The following TBC1D20 variants were observed in gnomAD, a reference collection of about 807,000 sequenced individuals.
TBC1D20 encodes TBC1 domain family member 20, also known as chromosome 20 open reading frame 140.
TBC1D20 carries 12 observed loss-of-function variants against 41.6 expected under a neutral mutation model. That is an observed-to-expected ratio of 0.29 (90% CI 0.18 to 0.47). TBC1D20 has a LOEUF of 0.47. Among genes scored for constraint, TBC1D20 ranks in the 20% least tolerant of loss-of-function variants. TBC1D20 has a pLI of 1.00. For synonymous variants in TBC1D20, 205 were observed against 204.8 expected (o/e 1.00, Z -0.01); for missense variants, 421 against 517.4 (o/e 0.81, Z 1.81).
chr20:453,417 T>A (rs1346622066), intron 1 of TBC1D20, among the ~76,000 whole-genome samples: 1 of 146,954 alleles, frequency 6.8e-6, no homozygotes, highest in African/African-American at 2.6e-5. Context: ...GAGGTTGCAG[T>A]GAGCCGAGAT....
chr20:441,356 C>T (rs927396467), intron 5 of TBC1D20: 1 of 520,660 alleles, frequency 1.9e-6, no homozygotes, highest in Non-Finnish European at 3.4e-6. Context: ...TCCACCTCTC[C>T]CCACTAGATG....
At chr20:460,839 TC>T (rs1216994698) in intron 1 of TBC1D20, among the ~76,000 whole-genome samples, 1 of 152,052 alleles carries the variant, frequency 6.6e-6, no homozygotes, top group Non-Finnish European at 1.5e-5. Flanking sequence ...AGAAGCAAAA[TC>T]AAGGAAACTA....
In TBC1D20 at chr20:438,490, AG is replaced by A; in HGVS notation, c.*95del. The A allele has an allele frequency of 6.9e-7, 1 of 1,439,294 alleles. No individual in the cohort carries two copies. 89.2% of individuals were successfully genotyped at this position (1,439,294 alleles called of 1,614,324 possible). ...GTGGCAGGAATAAAAAACTCTGGAC[AG>A]AAACCCTTTTAATAAAGGAAATTCC... On this transcript the variant is annotated 3_prime_UTR_variant, in exon 8 of 8. Coordinates refer to ENST00000354200, the MANE Select transcript of TBC1D20 (RefSeq NM_144628.4).
In TBC1D20 at chr20:437,231, T is replaced by C. The variant is rs917829808; in HGVS notation, c.*1355A>G. 1 of 151,740 alleles carries C rather than the reference T, an allele frequency of 6.6e-6. No individual in the cohort carries two copies. Among genetic ancestry groups the C allele is most frequent in the East Asian group, 1.9e-4 (1 of 5,202 alleles). 9.4% of individuals were successfully genotyped at this position (151,740 alleles called of 1,614,324 possible). On this transcript the variant is annotated 3_prime_UTR_variant, in exon 8 of 8. Transcript: ENST00000354200. ...CCCTCCACCCTGCACACAACAGGCA[T>C]GCAAAGAGGACTGGATATGGTGGGG... is the stretch of plus-strand genomic sequence containing the variant.
chr20:439,522 C>G lies in TBC1D20; in HGVS notation c.769-227G>C, dbSNP rs898080453. Among the ~76,000 whole-genome samples, 2 of 152,220 alleles carry G rather than the reference C, an allele frequency of 1.3e-5. No homozygotes were observed. Among genetic ancestry groups the G allele is most frequent in the African/African-American group, 4.8e-5 (2 of 41,460 alleles). ...AACTTCCACCACATGACATGAAAGG[C>G]TGACCAGTTACAATCTAAGTCCTTC... On this transcript the variant is annotated intron_variant, in intron 6 of 7. Transcript: ENST00000354200. The surrounding 1 kb of genome is among the most constrained non-coding windows in gnomAD (Gnocchi z 4.6).
At chr20:440,151 G>C in intron 6 of TBC1D20, 97 bp downstream of exon 6, 12 of 1,471,826 alleles carry the variant, frequency 8.2e-6, no homozygotes, top group African/African-American at 1.4e-5. Context: ...GCTGTCTTTT[G>C]CATCTTTCCA....
At chr20:455,660 T>A (rs1185036641) in intron 1 of TBC1D20, among the ~76,000 whole-genome samples, 1 of 151,012 alleles carries the variant, frequency 6.6e-6, no homozygotes, top group Non-Finnish European at 1.5e-5. Flanking sequence ...AGGCCAGGCG[T>A]GGTGGCTCAT....
At chr20:444,995 G>T in intron 3 of TBC1D20, 55 bp downstream of exon 3, 1 of 1,494,918 alleles carries the variant, frequency 6.7e-7, no homozygotes, top group Non-Finnish European at 9.2e-7. Context: ...CACATGGTAT[G>T]ACCTGGAACA....
intron 3 of TBC1D20, among the ~76,000 whole-genome samples, chr20:444,025 GGAGGCT>G (rs2017285976): frequency 6.6e-6 from 1 of 152,058 alleles, no homozygotes; most frequent in South Asian, 2.1e-4. Context: ...CAGCTACTTG[GGAGGCT>G]GAGGCAGGAG....
At chr20:442,069 T>C in intron 3 of TBC1D20, 26 bp from the exon 4 acceptor site, 1 of 1,570,956 alleles carries the variant, frequency 6.4e-7, no homozygotes, top group East Asian at 2.3e-5. Flanking sequence ...GAGATGCCTT[T>C]GAACATACCA....
At position 440,458 on chromosome 20, in the gene TBC1D20, C is replaced by T. The variant is rs569573679; in HGVS notation, c.627-69G>A. On this transcript the variant is annotated intron_variant, in intron 5 of 7. Transcript: ENST00000354200. ...CCTTCCCTCTCTCTGGGCCTTATAG[C>T]GCTGGTGAGAAGGAAGCATTTAGGA... 1.0e-4 allele frequency: 157 copies of T among 1,558,930 alleles called. 1 individual carries two copies. The African/African-American group carries it at 1.9e-3, about 19-fold the overall frequency.
At position 439,724 on chromosome 20, in the gene TBC1D20, G is replaced by C. The variant is rs1356236789; in HGVS notation, c.769-429C>G. Among the ~76,000 whole-genome samples, 1 of 152,090 alleles carries C rather than the reference G, an allele frequency of 6.6e-6. No individual in the cohort carries two copies. ...TTAAGCATCTTCCTTCTGACTGTTGGTCCACAAATCCACAGATGCTCAAGG... is the reference window on the plus strand; with the variant it reads ...TTAAGCATCTTCCTTCTGACTGTTGCTCCACAAATCCACAGATGCTCAAGG... On this transcript the variant is annotated intron_variant, in intron 6 of 7. Transcript: ENST00000354200. The surrounding 1 kb of genome is among the most constrained non-coding windows in gnomAD (Gnocchi z 4.6).
At chr20:448,182 T>C in intron 1 of TBC1D20, 108 bp from the exon 2 acceptor site, 3 of 716,792 alleles carry the variant, frequency 4.2e-6, no homozygotes, top group African/African-American at 1.7e-5. Flanking sequence ...TATCTCCTCT[T>C]AGCTCTAAGA....
At chr20:453,271 G>A (rs1239149315) in intron 1 of TBC1D20, among the ~76,000 whole-genome samples, 2 of 148,124 alleles carry the variant, frequency 1.4e-5, no homozygotes, top group African/African-American at 5.0e-5. Context: ...TCAGGAGTTC[G>A]AGACCAGCCT....
At chr20:452,059 A>G (rs1031380805) in intron 1 of TBC1D20, among the ~76,000 whole-genome samples, 3 of 152,228 alleles carry the variant, frequency 2.0e-5, no homozygotes, top group African/African-American at 7.2e-5. Flanking sequence ...CTGTAATCCC[A>G]GCACTTTGGG....
rs751181062 is a variant in TBC1D20, at chr20:440,405, A to T, written c.627-16T>A. The stretch of plus-strand genomic sequence containing the variant: ...TACCTCAGCACTAGAAACAAAGGAA[A>T]GGCAGGTGTCAGGTCCTGTGGGCCA... On this transcript the variant is annotated splice_polypyrimidine_tract_variant and intron_variant, in intron 5 of 7. Coordinates refer to ENST00000354200, the MANE Select transcript of TBC1D20 (RefSeq NM_144628.4). 1 of 1,613,992 alleles carries T rather than the reference A, an allele frequency of 6.2e-7. No individual in the cohort carries two copies. The highest frequency in any genetic ancestry group is 1.1e-5 in the South Asian group (1 of 91,064).
chr20:453,210 C>T (rs1314803373), intron 1 of TBC1D20, among the ~76,000 whole-genome samples: 2 of 132,484 alleles, frequency 1.5e-5, no homozygotes, highest in South Asian at 2.5e-4. Context: ...CAGTGGCTCA[C>T]GCCTGTAATC....
chr20:438,343 C>T lies in TBC1D20; in HGVS notation c.*243G>A. 1.9e-6 allele frequency: 1 copy of T among 524,622 alleles called. No homozygotes were observed. Among genetic ancestry groups the T allele is most frequent in the Non-Finnish European group, 3.4e-6 (1 of 296,520 alleles). The allele number at this position is 524,622 out of a possible 1,614,324, so 32.5% of individuals were successfully genotyped here. On this transcript the variant is annotated 3_prime_UTR_variant, in exon 8 of 8. Transcript: ENST00000354200. Reference sequence around the variant, plus strand: ...CAACACCAGGGAGGTGGCAGAGAGCCCATCCAAAAGCCCACTGGGAGAGGC... The same window carrying T: ...CAACACCAGGGAGGTGGCAGAGAGCTCATCCAAAAGCCCACTGGGAGAGGC...
rs1296528763 is a variant in TBC1D20 at position 440,309 on chromosome 20, A to G, written c.707T>C (p.Val236Ala). 19 of 1,613,996 alleles carry G rather than the reference A, an allele frequency of 1.2e-5. No homozygotes were observed. Among genetic ancestry groups the G allele is most frequent in the Admixed American group, 1.7e-5 (1 of 59,994 alleles). The change falls in exon 6 of 8, where the codon GTG becomes GCG. Residue 236 changes from valine to alanine, a missense_variant. Physicochemically the swap from Val to Ala is moderately conservative, Grantham distance 64. Coordinates refer to ENST00000354200, the MANE Select transcript of TBC1D20 (RefSeq NM_144628.4). ...GGCCAGGAAGAAGTCATATAACCGC[A>G]CGACGTGCCTGAAGTCAGACAGGAC... ...GHVLSDFRHV[V>A]RLYDFFLACH...
Sources: gnomAD v4.1 joint callset for allele counts (sites outside exome capture counted in the v4.1 genomes callset) on GRCh38, gnomAD v4.1.1 for gene constraint, Gnocchi (gnomAD v3.1) non-coding constraint, MANE v1.5 for transcripts, NCBI Gene and HGNC (gene_info 2026-07-23, HGNC 2026-07-21) for gene names.